The following TMEM132B variants were observed in gnomAD, a reference collection of about 807,000 sequenced individuals.
TMEM132B encodes transmembrane protein 132B.
In TMEM132B, 18 loss-of-function variants were observed where a neutral mutation model predicts 90.8. That is an observed-to-expected ratio of 0.20 (90% CI 0.14 to 0.29). TMEM132B has a LOEUF of 0.29. Ranked by LOEUF, TMEM132B falls within the 10% of genes least tolerant of loss-of-function variation. TMEM132B has a pLI of 1.00. For synonymous variants in TMEM132B, 504 were observed against 523.3 expected (o/e 0.96, Z 0.50); for missense variants, 1,096 against 1,326.8 (o/e 0.83, Z 2.70).
intron 5 of TMEM132B, 105 bp downstream of exon 5, chr12:125,584,099 G>C: frequency 6.5e-7 from 1 of 1,540,434 alleles, no homozygotes; most frequent in Non-Finnish European, 8.9e-7. Flanking sequence ...ATGCTCTAAA[G>C]GGCTGGAGGC....
At chr12:125,521,399 A>G (rs1205429627) in intron 4 of TMEM132B, among the ~76,000 whole-genome samples, 3 of 152,362 alleles carry the variant, frequency 2.0e-5, no homozygotes, top group African/African-American at 4.8e-5. Flanking sequence ...TGCATGAAGT[A>G]AGGGCACTAG....
At chr12:125,385,579 T>C (rs1878805836) in intron 2 of TMEM132B, among the ~76,000 whole-genome samples, 1 of 152,214 alleles carries the variant, frequency 6.6e-6, no homozygotes, top group South Asian at 2.1e-4. Flanking sequence ...AAATTTGTGT[T>C]GGACAAAGAC....
chr12:125,375,738 C>T (rs990000768), intron 2 of TMEM132B, among the ~76,000 whole-genome samples: 9 of 152,202 alleles, frequency 5.9e-5, no homozygotes, highest in East Asian at 1.9e-4. Flanking sequence ...GTTCAGAGAA[C>T]GTGGTAAACC....
intron 1 of TMEM132B, among the ~76,000 whole-genome samples, chr12:125,245,350 C>T (rs926549445): frequency 8.6e-5 from 13 of 151,434 alleles, no homozygotes; most frequent in Non-Finnish European, 1.8e-4. Context: ...AAAAGACCCC[C>T]CGCAACCAGG....
At chr12:125,598,635 C>T (rs768969747) in intron 5 of TMEM132B, among the ~76,000 whole-genome samples, 2 of 152,160 alleles carry the variant, frequency 1.3e-5, no homozygotes, top group Non-Finnish European at 2.9e-5. Context: ...AACTAATGTG[C>T]AAATGAAAAT....
chr12:125,551,495 T>G, intron 4 of TMEM132B, among the ~76,000 whole-genome samples: 1 of 152,202 alleles, frequency 6.6e-6, no homozygotes. Flanking sequence ...CTGTGAAACA[T>G]AGACAGTCAT....
intron 1 of TMEM132B, among the ~76,000 whole-genome samples, chr12:125,295,749 T>C (rs1875658124): frequency 6.6e-6 from 1 of 152,124 alleles, no homozygotes; most frequent in African/African-American, 2.4e-5. Flanking sequence ...GACTCTACTG[T>C]GCATCGGTGG....
chr12:125,354,489 C>T (rs1877703026), intron 2 of TMEM132B, among the ~76,000 whole-genome samples: 1 of 152,224 alleles, frequency 6.6e-6, no homozygotes, highest in Non-Finnish European at 1.5e-5. Context: ...TGTCTCACAC[C>T]TGGCCCATTT....
At chr12:125,190,386 G>C (rs1179332068) in intron 1 of TMEM132B, among the ~76,000 whole-genome samples, 1 of 151,038 alleles carries the variant, frequency 6.6e-6, no homozygotes, top group Non-Finnish European at 1.5e-5. Context: ...ATGGGAAAGG[G>C]GTGGTGATGG....
At chr12:125,259,526 C>T (rs111750568) in intron 1 of TMEM132B, among the ~76,000 whole-genome samples, 4,035 of 152,214 alleles carry the variant, frequency 0.027, 188 homozygotes, top group African/African-American at 0.091. Flanking sequence ...CCAGTAGTGA[C>T]GCTACTCATA....
intron 1 of TMEM132B, among the ~76,000 whole-genome samples, chr12:125,202,814 C>A (rs1343412135): frequency 6.6e-6 from 1 of 152,194 alleles, no homozygotes; most frequent in Non-Finnish European, 1.5e-5. Context: ...GGAGAAAAAC[C>A]TGGAGTGCAG....
intron 4 of TMEM132B, among the ~76,000 whole-genome samples, chr12:125,542,088 C>T (rs1182239614): frequency 6.8e-6 from 1 of 147,558 alleles, no homozygotes; most frequent in South Asian, 2.2e-4. Flanking sequence ...TGGACCTCAC[C>T]AAAGGTGGTG....
At chr12:125,506,632 G>GAA in intron 3 of TMEM132B, among the ~76,000 whole-genome samples, 1 of 151,714 alleles carries the variant, frequency 6.6e-6, no homozygotes, top group East Asian at 1.9e-4. Context: ...CATAATTTTT[G>GAA]AAAAAAATAC....
intron 2 of TMEM132B, among the ~76,000 whole-genome samples, chr12:125,377,588 A>G (rs1878532727): frequency 6.6e-6 from 1 of 152,198 alleles, no homozygotes; most frequent in Non-Finnish European, 1.5e-5. Context: ...TAATATGTGT[A>G]AGTAGCTCAG....
At chr12:125,499,598 A>G (rs1290251164) in intron 3 of TMEM132B, among the ~76,000 whole-genome samples, 1 of 152,176 alleles carries the variant, frequency 6.6e-6, no homozygotes, top group Non-Finnish European at 1.5e-5. Flanking sequence ...CTATAAGTGG[A>G]CGCATGGGGG....
chr12:125,611,761 C>T (rs1461685666), intron 5 of TMEM132B, among the ~76,000 whole-genome samples: 4 of 151,862 alleles, frequency 2.6e-5, no homozygotes, highest in Non-Finnish European at 4.4e-5. Context: ...TATCATGATC[C>T]GACAACATTA....
intron 1 of TMEM132B, among the ~76,000 whole-genome samples, chr12:125,197,755 C>A (rs1796931416): frequency 6.6e-6 from 1 of 152,168 alleles, no homozygotes; most frequent in African/African-American, 2.4e-5. Context: ...TGTTCAAAAA[C>A]AAGCCATCAT....
intron 3 of TMEM132B, among the ~76,000 whole-genome samples, chr12:125,488,514 T>C (rs903185537): frequency 6.6e-6 from 1 of 151,924 alleles, no homozygotes; most frequent in Non-Finnish European, 1.5e-5. Flanking sequence ...AGTGAATGAG[T>C]CTCATGAGAT....
At chr12:125,221,311 C>A (rs2136074143) in intron 1 of TMEM132B, among the ~76,000 whole-genome samples, 1 of 152,282 alleles carries the variant, frequency 6.6e-6, no homozygotes, top group South Asian at 2.1e-4. Context: ...TGAGCACTTA[C>A]TTTGTTCTCT....
Sources: gnomAD v4.1 joint callset for allele counts (sites outside exome capture counted in the v4.1 genomes callset) on GRCh38, gnomAD v4.1.1 for gene constraint, MANE v1.5 for transcripts, NCBI Gene and HGNC (gene_info 2026-07-23, HGNC 2026-07-21) for gene names.